The following TAF3 variants were observed in gnomAD, a reference collection of about 807,000 sequenced individuals.
TAF3 encodes TATA-box binding protein associated factor 3, also known as transcription initiation factor TFIID subunit 3.
TAF3 carries 7 observed loss-of-function variants against 80.6 expected under a neutral mutation model. The observed-to-expected ratio is 0.09, with a 90% CI of 0.05 to 0.16. The LOEUF is 0.16. TAF3 is among the 10% of genes least tolerant of loss of function. The probability of loss-of-function intolerance (pLI) is 1.00; values close to 1 mark genes in which losing one functional copy is unlikely to be tolerated. For synonymous variants in TAF3, 444 were observed against 446.1 expected, an observed-to-expected ratio of 1.00 and a Z score of 0.06; for missense variants, 921 against 1,140.2, an observed-to-expected ratio of 0.81 and a Z score of 2.77.
At chr10:7,918,860 G>A (rs545270894) in intron 2 of TAF3, among the ~76,000 whole-genome samples, 91 of 152,298 alleles carry the variant, frequency 6.0e-4, no homozygotes, top group Non-Finnish European at 6.5e-4. Flanking sequence ...TGCAAGGAGG[G>A]ATAGCAGGTG....
At position 7,964,681 on chromosome 10, in the gene TAF3, A is replaced by G. The variant is rs1831550069; in HGVS notation, c.1171A>G (p.Ile391Val). ...AGCAGATAAAACGATTGAGGCCTCT[A>G]TCGATGCTGTGATTGCACGAGCCTG... ...VVADKTIEAS[I>V]DAVIARACAE... The change falls in exon 3 of 7, where the codon ATC (isoleucine) becomes GTC (valine). Residue 391 changes from isoleucine to valine, a missense_variant. By Grantham distance (29) the Ile-to-Val change is conservative. Around this residue, in one of 6 missense-constraint regions of TAF3, gnomAD observed 743 missense variants for 821.0 expected, o/e 0.90. Coordinates refer to ENST00000344293, the MANE Select transcript of TAF3 (RefSeq NM_031923.4). This position sits in a 1 kb window ranked among gnomAD's most constrained non-coding sequence, Gnocchi z 4.1. 1 of 1,614,230 alleles carries G rather than the reference A, an allele frequency of 6.2e-7. No individual in the cohort carries two copies. The highest frequency in any genetic ancestry group is 8.5e-7 in the Non-Finnish European group (1 of 1,180,036).
chr10:7,904,454 T>C (rs1837588463), intron 2 of TAF3, among the ~76,000 whole-genome samples: 1 of 151,924 alleles, frequency 6.6e-6, no homozygotes, highest in Non-Finnish European at 1.5e-5. Flanking sequence ...CAGTTCATCA[T>C]TGCATATTCT....
chr10:7,997,817 G>A (rs890835199), intron 4 of TAF3, among the ~76,000 whole-genome samples: 2 of 152,112 alleles, frequency 1.3e-5, no homozygotes, highest in African/African-American at 4.8e-5. Context: ...GAAAAATATA[G>A]AGAAGCAAAG....
chr10:7,958,361 A>G (rs1838156902), intron 2 of TAF3, among the ~76,000 whole-genome samples: 1 of 152,148 alleles, frequency 6.6e-6, no homozygotes. Flanking sequence ...ATATTCACTC[A>G]AGTCGAAAAC....
At chr10:7,822,557 T>C (rs1430602088) in intron 1 of TAF3, among the ~76,000 whole-genome samples, 5 of 152,130 alleles carry the variant, frequency 3.3e-5, no homozygotes. Flanking sequence ...ACCACAGCCC[T>C]CGCCTCTACT....
At chr10:7,952,355 T>C (rs1838090458) in intron 2 of TAF3, among the ~76,000 whole-genome samples, 1 of 152,186 alleles carries the variant, frequency 6.6e-6, no homozygotes, top group Non-Finnish European at 1.5e-5. Context: ...ACGATAGCAA[T>C]TTATTGTATC....
intron 2 of TAF3, among the ~76,000 whole-genome samples, chr10:7,863,114 T>G (rs1837163687): frequency 6.6e-6 from 1 of 151,714 alleles, no homozygotes; most frequent in Non-Finnish European, 1.5e-5. Context: ...TCCAGGAAAC[T>G]GTGGTGGACT....
At chr10:7,975,654 G>T (rs1432701666) in intron 3 of TAF3, among the ~76,000 whole-genome samples, 1 of 152,202 alleles carries the variant, frequency 6.6e-6, no homozygotes, top group Non-Finnish European at 1.5e-5. Context: ...CTGCATGCAG[G>T]CATCATGCAA....
chr10:8,001,720 A>G (rs934165182), intron 4 of TAF3, among the ~76,000 whole-genome samples: 1 of 152,120 alleles, frequency 6.6e-6, no homozygotes, highest in South Asian at 2.1e-4. Context: ...TCTTTTACCT[A>G]ATTTTTAAGA....
chr10:7,940,924 A>C (rs2078919131), intron 2 of TAF3, among the ~76,000 whole-genome samples: 1 of 151,840 alleles, frequency 6.6e-6, no homozygotes, highest in Admixed American at 6.6e-5. Context: ...ACACCACTGC[A>C]CTCCAGCCTG....
chr10:7,818,769 G>C lies in TAF3; in HGVS notation c.60G>C (p.Ala20=). 1 of 1,558,264 alleles carries C rather than the reference G, an allele frequency of 6.4e-7. No individual in the cohort carries two copies. The highest frequency in any genetic ancestry group is 8.6e-7 in the Non-Finnish European group (1 of 1,158,190). The change falls in exon 1 of 7, where the codon GCG becomes GCC. Residue 20 remains alanine, a synonymous_variant. Transcript: ENST00000344293. The stretch of plus-strand genomic sequence containing the variant: ...TCTCGGTGGCGCAGATCTGCCAGGC[G>C]CTGGGCTGGGACTCGGTGCAGCTCA... ...LRVSVAQICQ[A]LGWDSVQLSA...
intron 4 of TAF3, among the ~76,000 whole-genome samples, chr10:7,988,535 A>G (rs1220105619): frequency 7.0e-6 from 1 of 143,252 alleles, no homozygotes; most frequent in African/African-American, 2.6e-5. Context: ...TTGTGCCACT[A>G]CATTTCAGAC....
At chr10:7,857,862 C>T (rs1357959822) in intron 2 of TAF3, among the ~76,000 whole-genome samples, 1 of 149,174 alleles carries the variant, frequency 6.7e-6, no homozygotes, top group Non-Finnish European at 1.5e-5. Flanking sequence ...AAGAAACTCT[C>T]TTGATTTTCA....
intron 2 of TAF3, among the ~76,000 whole-genome samples, chr10:7,859,475 A>G (rs1207306756): frequency 6.6e-6 from 1 of 152,108 alleles, no homozygotes; most frequent in Non-Finnish European, 1.5e-5. Context: ...GTAGGGACCC[A>G]TATTCCAACA....
chr10:7,914,098 T>C (rs1395052411), intron 2 of TAF3, among the ~76,000 whole-genome samples: 2 of 152,208 alleles, frequency 1.3e-5, no homozygotes, highest in African/African-American at 2.4e-5. Context: ...GGGAGTTTTT[T>C]TTTGCAATTT....
intron 2 of TAF3, among the ~76,000 whole-genome samples, chr10:7,842,205 C>T (rs1456449813): frequency 1.8e-5 from 2 of 110,152 alleles, no homozygotes; most frequent in Non-Finnish European, 3.4e-5. Flanking sequence ...ACAGAGTCTT[C>T]CTCTGTCACC....
chr10:7,994,991 A>G (rs536825720), intron 4 of TAF3, among the ~76,000 whole-genome samples: 9 of 151,336 alleles, frequency 5.9e-5, no homozygotes, highest in African/African-American at 1.9e-4. Context: ...AAAAAAAAAA[A>G]AAAAGAAAAA....
chr10:7,946,502 T>C (rs1306559552), intron 2 of TAF3, among the ~76,000 whole-genome samples: 1 of 152,184 alleles, frequency 6.6e-6, no homozygotes, highest in Non-Finnish European at 1.5e-5. Context: ...GGCAGGCAGA[T>C]TATTTGAGCT....
At chr10:7,926,807 T>C (rs562497565) in intron 2 of TAF3, among the ~76,000 whole-genome samples, 46 of 152,350 alleles carry the variant, frequency 3.0e-4, no homozygotes, top group Middle Eastern at 3.4e-3. Context: ...TAGTAAGCAA[T>C]AGTTTTTAAA....
Sources: allele counts gnomAD v4.1 joint callset (sites outside exome capture counted in the v4.1 genomes callset), GRCh38; gene constraint gnomAD v4.1.1; regional missense constraint gnomAD v4.1.1; non-coding constraint Gnocchi (gnomAD v3.1); transcripts MANE v1.5; gene names NCBI Gene and HGNC (gene_info 2026-07-23, HGNC 2026-07-21).